SNTG2: variants seen among roughly 807,000 people sequenced by gnomAD.
SNTG2 encodes syntrophin gamma 2, also known as gamma-2-syntrophin.
SNTG2 carries 74 observed loss-of-function variants against 70.9 expected under a neutral mutation model. The ratio of observed to expected loss-of-function variants is 1.04; its 90% confidence interval spans 0.86 to 1.27. The LOEUF (loss-of-function observed/expected upper bound fraction) is 1.27, where lower values mean the gene tolerates loss of function less well. SNTG2 is among the 50% of genes most tolerant of loss of function. The pLI, the probability that SNTG2 is intolerant of heterozygous loss-of-function variation, is 0.00. For synonymous variants in SNTG2, 278 were observed against 273.8 expected (o/e 1.02, Z -0.15); for missense variants, 717 against 690.7 (o/e 1.04, Z -0.43).
intron 4 of SNTG2, among the ~76,000 whole-genome samples, chr2:1,117,132 C>T (rs925493054): frequency 6.6e-6 from 1 of 151,694 alleles, no homozygotes; most frequent in African/African-American, 2.4e-5. Context: ...TGTGTAGGTG[C>T]TCTGGTGCGT....
At chr2:1,224,157 C>G (rs1675590145) in intron 9 of SNTG2, among the ~76,000 whole-genome samples, 1 of 152,166 alleles carries the variant, frequency 6.6e-6, no homozygotes, top group Non-Finnish European at 1.5e-5. Context: ...CATCACCTCT[C>G]AAAGGCCCCA....
chr2:1,186,571 A>C (rs919833810), intron 8 of SNTG2, among the ~76,000 whole-genome samples: 36 of 152,166 alleles, frequency 2.4e-4, no homozygotes, highest in Admixed American at 2.4e-3. Context: ...CAGAAAACTT[A>C]AACAATCATG....
chr2:1,367,389 CCTT>C lies in SNTG2; in HGVS notation c.1537_1539del (p.Phe513del). On this transcript the variant is annotated inframe_deletion, in exon 17 of 17. Transcript: ENST00000308624. The stretch of plus-strand genomic sequence containing the variant: ...AGGGCTGTCCTGCACTGCATCCACT[CCTT>C]CATAGCAGCCAAGGTGGCCTCCGTG... 8.4e-6 allele frequency: 13 copies of C among 1,551,768 alleles called. No individual in the cohort carries two copies. The highest frequency in any genetic ancestry group is 1.4e-5 in the African/African-American group (1 of 73,156).
chr2:1,337,062 T>A (rs1361654625), intron 16 of SNTG2, among the ~76,000 whole-genome samples: 1 of 152,156 alleles, frequency 6.6e-6, no homozygotes, highest in East Asian at 1.9e-4. Context: ...TCTTTTCTTT[T>A]TTAGGTTGAA....
intron 4 of SNTG2, among the ~76,000 whole-genome samples, chr2:1,114,451 G>A (rs1666783863): frequency 1.3e-5 from 2 of 152,080 alleles, no homozygotes; most frequent in Non-Finnish European, 2.9e-5. Context: ...CCTTTAAGGA[G>A]GATCTTTTGA....
rs180721202 is a variant in SNTG2 at position 1,005,518 on chromosome 2, T to C, written c.72+54450T>C. On this transcript the variant is annotated intron_variant, in intron 1 of 16. Coordinates refer to ENST00000308624, the MANE Select transcript of SNTG2 (RefSeq NM_018968.4). The stretch of plus-strand genomic sequence containing the variant: ...TGAAATCTATTTTAAAATATTAACG[T>C]TGGAGCTGGGCACAGTGGCTCACAC... 2.4e-4 allele frequency among the ~76,000 whole-genome samples: 36 copies of C among 151,866 alleles called. No individual in the cohort carries two copies. The East Asian group carries it at 6.7e-3, about 28-fold the overall frequency.
intron 14 of SNTG2, among the ~76,000 whole-genome samples, chr2:1,268,728 T>C (rs1260311135): frequency 6.6e-6 from 1 of 152,248 alleles, no homozygotes; most frequent in Non-Finnish European, 1.5e-5. Flanking sequence ...TATAGTGGCA[T>C]TTAGCCACTT....
At chr2:1,358,857 T>C (rs1421112686) in intron 16 of SNTG2, among the ~76,000 whole-genome samples, 1 of 152,168 alleles carries the variant, frequency 6.6e-6, no homozygotes, top group East Asian at 1.9e-4. Context: ...ACCTGTTCAG[T>C]CTATAGTGTT....
chr2:1,152,579 TG>T (rs1558461818), intron 6 of SNTG2, among the ~76,000 whole-genome samples: 2 of 149,068 alleles, frequency 1.3e-5, no homozygotes, highest in Non-Finnish European at 2.9e-5. Context: ...CATGTGCATG[TG>T]TGTGTGTGCA....
intron 16 of SNTG2, among the ~76,000 whole-genome samples, chr2:1,320,937 G>A (rs139067118): frequency 7.3e-4 from 111 of 152,210 alleles, no homozygotes; most frequent in African/African-American, 2.6e-3. Flanking sequence ...TTGCCTCTAG[G>A]CTGAGCCTCC....
chr2:969,708 A>T (rs1275554251), intron 1 of SNTG2, among the ~76,000 whole-genome samples: 1 of 152,160 alleles, frequency 6.6e-6, no homozygotes, highest in Non-Finnish European at 1.5e-5. Flanking sequence ...TTGTATATTC[A>T]TTTTATATCC....
In SNTG2 at chr2:1,018,730, CA is replaced by C. The variant is rs201550886; in HGVS notation, c.73-64779del. On this transcript the variant is annotated intron_variant, in intron 1 of 16. Coordinates refer to ENST00000308624, the MANE Select transcript of SNTG2 (RefSeq NM_018968.4). The stretch of plus-strand genomic sequence containing the variant: ...AGCCAATGCATGCTCAAGTGGCTGG[CA>C]AAAAAAAATTAATAATAATAATAAA... Among the ~76,000 whole-genome samples, 846 of 150,554 alleles carry C rather than the reference CA, an allele frequency of 5.6e-3. 13 individuals carry two copies. The East Asian group carries it at 0.065, about 12-fold the overall frequency.
intron 9 of SNTG2, among the ~76,000 whole-genome samples, chr2:1,223,344 G>T (rs1261458778): frequency 6.6e-6 from 1 of 150,966 alleles, no homozygotes; most frequent in Non-Finnish European, 1.5e-5. Context: ...CAGTGATGGA[G>T]GGCGTCTCCC....
At chr2:1,068,055 T>C (rs958397022) in intron 1 of SNTG2, 2 of 152,198 alleles carry the variant, frequency 1.3e-5, no homozygotes, top group African/African-American at 4.8e-5. Flanking sequence ...CAGTCTGCTG[T>C]GTCAACCTGA....
intron 1 of SNTG2, among the ~76,000 whole-genome samples, chr2:1,082,443 C>A (rs1018284904): frequency 1.3e-5 from 2 of 152,134 alleles, no homozygotes; most frequent in African/African-American, 2.4e-5. Flanking sequence ...GTGGCCACAG[C>A]CTCATCCTTC....
In SNTG2 at chr2:1,254,031, T is replaced by A. The variant is rs1021205232; in HGVS notation, c.1006-5339T>A. Among the ~76,000 whole-genome samples the A allele has an allele frequency of 5.5e-4, 83 of 152,168 alleles. 1 individual carries two copies. Among genetic ancestry groups the A allele is most frequent in the Middle Eastern group, 6.8e-3 (2 of 294 alleles). On this transcript the variant is annotated intron_variant, in intron 12 of 16. Coordinates refer to ENST00000308624, the MANE Select transcript of SNTG2 (RefSeq NM_018968.4). ...TAGGAGAACAGCACCAAAGGGCAAA[T>A]CCACCCCCATGATGCAGTCACCTCC... is the stretch of plus-strand genomic sequence containing the variant.
chr2:1,315,661 A>T (rs1313858460), intron 15 of SNTG2, among the ~76,000 whole-genome samples: 1 of 152,190 alleles, frequency 6.6e-6, no homozygotes, highest in African/African-American at 2.4e-5. Context: ...AACGTACCAT[A>T]GCAAACATTA....
At chr2:1,355,179 T>C (rs1420724000) in intron 16 of SNTG2, among the ~76,000 whole-genome samples, 2 of 152,196 alleles carry the variant, frequency 1.3e-5, no homozygotes, top group Non-Finnish European at 2.9e-5. Context: ...ATCTTTCTGG[T>C]TTTCGTATTT....
At chr2:1,179,592 C>A (rs1343583049) in intron 8 of SNTG2, among the ~76,000 whole-genome samples, 1 of 151,966 alleles carries the variant, frequency 6.6e-6, no homozygotes, top group Non-Finnish European at 1.5e-5. Flanking sequence ...GAAGAACATT[C>A]CATGCTCATG....
Sources: allele counts gnomAD v4.1 joint callset (sites outside exome capture counted in the v4.1 genomes callset), GRCh38; gene constraint gnomAD v4.1.1; transcripts MANE v1.5; gene names NCBI Gene and HGNC (gene_info 2026-07-23, HGNC 2026-07-21).